Variants in CAPRIN1 observed in about 807,000 individuals in gnomAD.
The protein encoded by CAPRIN1 is cell cycle associated protein 1.
CAPRIN1 carries 29 observed loss-of-function variants against 100.9 expected under a neutral mutation model. The observed-to-expected ratio is 0.29, with a 90% confidence interval of 0.21 to 0.39. The LOEUF is 0.39. CAPRIN1 is among the 10% of genes least tolerant of loss of function. The probability of loss-of-function intolerance (pLI) is 1.00; values close to 1 mark genes in which losing one functional copy is unlikely to be tolerated. For synonymous variants in CAPRIN1, 338 were observed against 307.5 expected, an observed-to-expected ratio of 1.10 and a Z score of -1.04; for missense variants, 795 against 876.7, an observed-to-expected ratio of 0.91 and a Z score of 1.18.
At chr11:34,097,622 G>A (rs1047720761) in intron 17 of CAPRIN1, 76 bp from the exon 18 acceptor site, 2 of 1,512,190 alleles carry the variant, frequency 1.3e-6, no homozygotes, top group African/African-American at 2.7e-5. Context: ...TCTGTATTGA[G>A]TGTTAGACTG....
At chr11:34,069,871 T>G (rs1277248155) in intron 2 of CAPRIN1, among the ~76,000 whole-genome samples, 1 of 148,866 alleles carries the variant, frequency 6.7e-6, no homozygotes, top group Non-Finnish European at 1.5e-5. Flanking sequence ...CAAGTTGACA[T>G]TTGTTTATGG....
At position 34,100,489 on chromosome 11, in the gene CAPRIN1, TAAA is replaced by T. The variant is rs1037638658; in HGVS notation, c.*1124_*1126del. On this transcript the variant is annotated 3_prime_UTR_variant, in exon 19 of 19. Coordinates refer to ENST00000341394, the MANE Select transcript of CAPRIN1 (RefSeq NM_005898.5). ...GTTCTGATGGTATAAGCAAAACAAATAAAACGTTTATAAAAGTTGTATCTTGAA... is the reference window on the plus strand; with the variant it reads ...GTTCTGATGGTATAAGCAAAACAAATACGTTTATAAAAGTTGTATCTTGAA... The T allele has an allele frequency of 6.6e-6, 1 of 152,236 alleles. No homozygotes were observed. The highest frequency in any genetic ancestry group is 2.4e-5 in the African/African-American group (1 of 41,546). 9.4% of individuals were successfully genotyped at this position (152,236 alleles called of 1,614,324 possible).
intron 15 of CAPRIN1, 141 bp downstream of exon 15, chr11:34,092,197 T>A (rs1851277644): frequency 2.6e-6 from 2 of 767,378 alleles, no homozygotes; most frequent in Admixed American, 7.1e-5. Context: ...TCATTTCAGA[T>A]CATGAGTTAA....
intron 2 of CAPRIN1, among the ~76,000 whole-genome samples, chr11:34,069,422 A>G (rs1453855328): frequency 6.6e-6 from 1 of 152,120 alleles, no homozygotes; most frequent in Admixed American, 6.6e-5. Flanking sequence ...TGCTGGGATT[A>G]CAGGTGTGAG....
intron 2 of CAPRIN1, among the ~76,000 whole-genome samples, chr11:34,068,552 A>T (rs1043115607): frequency 3.3e-5 from 5 of 152,170 alleles, no homozygotes; most frequent in South Asian, 2.1e-4. Flanking sequence ...CTACTCTAGG[A>T]TAGCTTGTCC....
chr11:34,096,008 G>C (rs1038158964), intron 15 of CAPRIN1, among the ~76,000 whole-genome samples: 14 of 152,058 alleles, frequency 9.2e-5, no homozygotes, highest in Non-Finnish European at 1.8e-4. Context: ...AAATATGAGA[G>C]AGTGGTTTTG....
chr11:34,097,699 A>G lies in CAPRIN1; in HGVS notation c.2003A>G (p.Asp668Gly). Residue 668 changes from aspartate (D) to glycine (G), a missense_variant and splice_region_variant, in exon 18 of 19, where the codon GAT (aspartate) becomes GGT (glycine). Asp to Gly is a moderately conservative substitution (Grantham distance 94). Around this residue, in one of 3 missense-constraint regions of CAPRIN1, gnomAD observed 648 missense variants for 697.9 expected, o/e 0.93. Transcript: ENST00000341394. Reference sequence around the variant, plus strand: ...AATACTAACTAGCTTGTCTTTTAGGATGGATATCAGCAGAATTTCAAGCGA... The same window carrying G: ...AATACTAACTAGCTTGTCTTTTAGGGTGGATATCAGCAGAATTTCAAGCGA... ...APRDYSGYQR[D>G]GYQQNFKRGS... The G allele has an allele frequency of 6.2e-7, 1 of 1,614,076 alleles. No individual in the cohort carries two copies. The highest frequency in any genetic ancestry group is 8.5e-7 in the Non-Finnish European group (1 of 1,179,938).
chr11:34,083,466 A>G (rs1405295250), intron 9 of CAPRIN1, among the ~76,000 whole-genome samples: 7 of 151,856 alleles, frequency 4.6e-5, no homozygotes, highest in African/African-American at 1.7e-4. Flanking sequence ...GATAATGATG[A>G]TTTTTTTCGG....
intron 2 of CAPRIN1, chr11:34,056,674 T>G (rs1850459438): frequency 6.6e-6 from 1 of 152,244 alleles, no homozygotes; most frequent in Non-Finnish European, 1.5e-5. Flanking sequence ...CAAGTCTTAA[T>G]TTTAACTGAA....
At chr11:34,082,323 G>A (rs1029505047) in intron 7 of CAPRIN1, among the ~76,000 whole-genome samples, 1 of 152,012 alleles carries the variant, frequency 6.6e-6, no homozygotes, top group African/African-American at 2.4e-5. Flanking sequence ...GAGTAGCTGG[G>A]ATTGCAGGCG....
chr11:34,055,276 G>A (rs552586015), intron 2 of CAPRIN1, among the ~76,000 whole-genome samples: 1 of 152,058 alleles, frequency 6.6e-6, no homozygotes, highest in East Asian at 1.9e-4. Flanking sequence ...TGATCCTCCC[G>A]CTTCAGCCTC....
intron 4 of CAPRIN1, among the ~76,000 whole-genome samples, chr11:34,073,996 T>A (rs558676385): frequency 1.8e-4 from 28 of 152,120 alleles, no homozygotes; most frequent in African/African-American, 6.5e-4. Flanking sequence ...CAAGAGAGAG[T>A]GATCATACTC....
At chr11:34,061,514 A>G (rs1411137072) in intron 2 of CAPRIN1, among the ~76,000 whole-genome samples, 3 of 152,044 alleles carry the variant, frequency 2.0e-5, no homozygotes, top group African/African-American at 7.2e-5. Flanking sequence ...GGCCTAGGTT[A>G]GCATTCTTAT....
chr11:34,063,761 G>A (rs1850628825), intron 2 of CAPRIN1, among the ~76,000 whole-genome samples: 1 of 152,160 alleles, frequency 6.6e-6, no homozygotes, highest in Non-Finnish European at 1.5e-5. Context: ...AAGAGGGCAG[G>A]TGTGTGTTAT....
intron 7 of CAPRIN1, among the ~76,000 whole-genome samples, chr11:34,080,377 G>A (rs1851003635): frequency 6.6e-6 from 1 of 152,104 alleles, no homozygotes; most frequent in Non-Finnish European, 1.5e-5. Flanking sequence ...TATGGGTGAG[G>A]GCCAGCTGTT....
intron 2 of CAPRIN1, chr11:34,053,701 GT>G (rs1850386423): frequency 6.6e-6 from 1 of 152,034 alleles, no homozygotes; most frequent in South Asian, 2.1e-4. Context: ...TCAGCCTTTT[GT>G]TTTATGCTTT....
chr11:34,093,120 C>G (rs765837916), intron 15 of CAPRIN1, among the ~76,000 whole-genome samples: 29 of 151,446 alleles, frequency 1.9e-4, no homozygotes, highest in Non-Finnish European at 3.7e-4. Flanking sequence ...CTTATTGTCT[C>G]TGTCTCCCAG....
At chr11:34,078,393 A>G (rs1234273896) in intron 6 of CAPRIN1, among the ~76,000 whole-genome samples, 5 of 152,180 alleles carry the variant, frequency 3.3e-5, no homozygotes, top group Non-Finnish European at 7.4e-5. Context: ...ATTGAAAGTA[A>G]TAACTCTTCA....
intron 9 of CAPRIN1, 72 bp from the exon 10 acceptor site, chr11:34,085,992 A>T: frequency 8.1e-7 from 1 of 1,236,270 alleles, no homozygotes; most frequent in Non-Finnish European, 1.2e-6. Context: ...AGTGTGGGGG[A>T]CCCATCATGG....
Sources: allele counts gnomAD v4.1 joint callset (sites outside exome capture counted in the v4.1 genomes callset), GRCh38; gene constraint gnomAD v4.1.1; regional missense constraint gnomAD v4.1.1; transcripts MANE v1.5; gene names NCBI Gene and HGNC (gene_info 2026-07-23, HGNC 2026-07-21).